The following SGPP2 variants were observed in gnomAD, a reference collection of about 807,000 sequenced individuals.
SGPP2 encodes sphingosine 1-phosphate phosphohydrolase 2.
Under a neutral mutation model 33.9 loss-of-function variants are expected in SGPP2, and 30 were observed. That is an observed-to-expected ratio of 0.89 (90% confidence interval 0.66 to 1.20). The LOEUF (loss-of-function observed/expected upper bound fraction) is 1.20. SGPP2 is among the 50% of genes most tolerant of loss of function. The pLI is 0.00. For synonymous variants in SGPP2, 233 were observed against 225.0 expected, an observed-to-expected ratio of 1.04 and a Z score of -0.32; for missense variants, 458 against 532.1, an observed-to-expected ratio of 0.86 and a Z score of 1.37.
At chr2:222,487,003 CTCTG>C (rs1478543700) in intron 2 of SGPP2, among the ~76,000 whole-genome samples, 32 of 152,114 alleles carry the variant, frequency 2.1e-4, no homozygotes, top group Non-Finnish European at 4.4e-4. Flanking sequence ...CCATCGCTCT[CTCTG>C]TCCTTTGTTG....
chr2:222,491,552 G>A (rs116961737), intron 2 of SGPP2, among the ~76,000 whole-genome samples: 249 of 152,238 alleles, frequency 1.6e-3, no homozygotes, highest in Admixed American at 0.013. Flanking sequence ...TCACTATCAC[G>A]AGAACAGCAT....
intron 1 of SGPP2, among the ~76,000 whole-genome samples, chr2:222,462,158 A>G (rs1697671671): frequency 1.3e-5 from 2 of 152,112 alleles, no homozygotes; most frequent in Admixed American, 6.5e-5. Context: ...AGAATAACAC[A>G]AGCAAACATC....
intron 4 of SGPP2, among the ~76,000 whole-genome samples, chr2:222,536,404 G>A (rs1698915897): frequency 6.6e-6 from 1 of 152,172 alleles, no homozygotes; most frequent in Non-Finnish European, 1.5e-5. Flanking sequence ...GTTTCAGCTG[G>A]GCACAGTGGC....
At chr2:222,557,221 C>T (rs1337211227) in intron 4 of SGPP2, among the ~76,000 whole-genome samples, 1 of 152,194 alleles carries the variant, frequency 6.6e-6, no homozygotes, top group African/African-American at 2.4e-5. Flanking sequence ...TGTCTCTTTA[C>T]CAGACCGTGA....
At chr2:222,557,034 A>G (rs1689423799) in intron 4 of SGPP2, among the ~76,000 whole-genome samples, 1 of 151,816 alleles carries the variant, frequency 6.6e-6, no homozygotes, top group South Asian at 2.1e-4. Context: ...GTTGCTACCC[A>G]GTGAGAGCTA....
intron 2 of SGPP2, among the ~76,000 whole-genome samples, chr2:222,479,672 G>A (rs961658230): frequency 6.6e-6 from 1 of 151,778 alleles, no homozygotes; most frequent in African/African-American, 2.4e-5. Context: ...CAAAGTGCTG[G>A]GATTACAGGC....
chr2:222,443,919 A>T (rs1192024283), intron 1 of SGPP2, among the ~76,000 whole-genome samples: 1 of 152,188 alleles, frequency 6.6e-6, no homozygotes, highest in Non-Finnish European at 1.5e-5. Context: ...GGGAGAAATA[A>T]TCACATATAC....
intron 2 of SGPP2, among the ~76,000 whole-genome samples, chr2:222,495,660 C>T (rs1698268687): frequency 6.6e-6 from 1 of 152,092 alleles, no homozygotes; most frequent in Non-Finnish European, 1.5e-5. Flanking sequence ...GAACCCCCAC[C>T]TTCTCCCTGT....
At position 222,474,646 on chromosome 2, in the gene SGPP2, G is replaced by A. The variant is rs375443144; in HGVS notation, c.298G>A (p.Val100Met). Residue 100 changes from valine to methionine, a missense_variant, in exon 2 of 5, where the codon GTG (valine) becomes ATG (methionine). Physicochemically the swap from Val to Met is conservative, Grantham distance 21 (BLOSUM62 1). Coordinates refer to ENST00000321276, the MANE Select transcript of SGPP2 (RefSeq NM_152386.4). ...ATTTTCAGCTGCTTTGGGCCAAGAA[G>A]TGTTCTACATCACGTTTCTTCCATT... Reference protein sequence around the residue: ...FQFSAALGQEVFYITFLPFTH... With the variant: ...FQFSAALGQEMFYITFLPFTH... 1.1e-4 allele frequency: 170 copies of A among 1,613,846 alleles called. No homozygotes were observed. Among genetic ancestry groups the A allele is most frequent in the Middle Eastern group, 1.6e-4 (1 of 6,084 alleles).
Position 222,477,651 on chromosome 2 carries a change from T to C in SGPP2, c.378+2925T>C, listed in dbSNP as rs1359507173. Among the ~76,000 whole-genome samples the C allele has an allele frequency of 6.6e-6, 1 of 151,928 alleles. No individual in the cohort carries two copies. The highest frequency in any genetic ancestry group is 2.4e-5 in the African/African-American group (1 of 41,314). On this transcript the variant is annotated intron_variant, in intron 2 of 4. Coordinates refer to ENST00000321276, the MANE Select transcript of SGPP2 (RefSeq NM_152386.4). This position sits in a 1 kb window ranked among gnomAD's most constrained non-coding sequence, Gnocchi z 6.0. Reference sequence around the variant, plus strand: ...TTTAATAATTGTTGAGTGGGGCAGATGATGAGAAGTACATTACACAGGAAT... The same window carrying C: ...TTTAATAATTGTTGAGTGGGGCAGACGATGAGAAGTACATTACACAGGAAT...
intron 2 of SGPP2, among the ~76,000 whole-genome samples, chr2:222,497,031 C>A (rs1293129282): frequency 6.6e-6 from 1 of 152,170 alleles, no homozygotes; most frequent in African/African-American, 2.4e-5. Context: ...ACTACAGTAG[C>A]ATCCTAGAGG....
intron 2 of SGPP2, among the ~76,000 whole-genome samples, chr2:222,514,972 C>T (rs77947715): frequency 6.6e-6 from 1 of 151,872 alleles, no homozygotes; most frequent in Non-Finnish European, 1.5e-5. Flanking sequence ...TAATTTCTCC[C>T]TGTTGTTATT....
At chr2:222,506,010 C>T (rs1047437921) in intron 2 of SGPP2, among the ~76,000 whole-genome samples, 1 of 151,048 alleles carries the variant, frequency 6.6e-6, no homozygotes, top group Non-Finnish European at 1.5e-5. Context: ...ATATATGACG[C>T]CAGTCACAGT....
intron 4 of SGPP2, among the ~76,000 whole-genome samples, 174 bp from the exon 5 acceptor site, chr2:222,558,173 G>C (rs772869267): frequency 6.6e-6 from 1 of 152,048 alleles, no homozygotes; most frequent in Admixed American, 6.5e-5. Flanking sequence ...GCATTTTTTC[G>C]TATTTTCACT....
intron 2 of SGPP2, among the ~76,000 whole-genome samples, chr2:222,480,900 G>GCT (rs1698019557): frequency 1.3e-5 from 2 of 152,194 alleles, no homozygotes; most frequent in Non-Finnish European, 2.9e-5. Flanking sequence ...AAGAAAAGGT[G>GCT]GTACATATGC....
intron 1 of SGPP2, among the ~76,000 whole-genome samples, chr2:222,470,930 C>A (rs571197763): frequency 2.0e-5 from 3 of 152,178 alleles, no homozygotes; most frequent in Admixed American, 2.0e-4. Context: ...TGATTCCGCT[C>A]TAGAGAGAGG....
intron 2 of SGPP2, among the ~76,000 whole-genome samples, chr2:222,496,677 C>G (rs749641565): frequency 1.3e-5 from 2 of 152,108 alleles, no homozygotes; most frequent in Non-Finnish European, 2.9e-5. Context: ...CTGGTGAGAC[C>G]CCCCCGCCAT....
At chr2:222,502,990 T>C (rs1698390236) in intron 2 of SGPP2, among the ~76,000 whole-genome samples, 1 of 152,222 alleles carries the variant, frequency 6.6e-6, no homozygotes, top group Non-Finnish European at 1.5e-5. Flanking sequence ...TTAGGCTGGT[T>C]GTTAAGTAAT....
chr2:222,424,760 C>T lies in SGPP2; in HGVS notation c.158C>T (p.Ala53Val), dbSNP rs1267535075. ...ARVPGVEHLP[A>V]ANGKGGEAPA... is the part of the protein sequence containing the mutation. The stretch of plus-strand genomic sequence containing the variant: ...GTCCCCGGGGTCGAGCATCTCCCCG[C>T]AGCCAACGGCAAGGGCGGCGAGGCT... Residue 53 changes from alanine (A) to valine (V), a missense_variant, in exon 1 of 5, where the codon GCA (alanine) becomes GTA (valine). Ala to Val is a moderately conservative substitution (Grantham distance 64). Coordinates refer to ENST00000321276, the MANE Select transcript of SGPP2 (RefSeq NM_152386.4). 1.1e-5 allele frequency: 16 copies of T among 1,408,968 alleles called. No homozygotes were observed. Among genetic ancestry groups the T allele is most frequent in the Non-Finnish European group, 1.5e-5 (16 of 1,083,576 alleles). The allele number at this position is 1,408,968 out of a possible 1,614,324, so 87.3% of individuals were successfully genotyped here.
Sources: allele counts gnomAD v4.1 joint callset (sites outside exome capture counted in the v4.1 genomes callset), GRCh38; gene constraint gnomAD v4.1.1; non-coding constraint Gnocchi (gnomAD v3.1); transcripts MANE v1.5; gene names NCBI Gene and HGNC (gene_info 2026-07-23, HGNC 2026-07-21).